NCS1: variants seen among roughly 807,000 people sequenced by gnomAD.
NCS1 encodes frequenin homolog.
Under a neutral mutation model 28.4 loss-of-function variants are expected in NCS1, and 6 were observed. That is an observed-to-expected ratio of 0.21 (90% confidence interval 0.12 to 0.42). The LOEUF (loss-of-function observed/expected upper bound fraction) is 0.42. Among genes scored for constraint, NCS1 ranks in the 10% least tolerant of loss-of-function variants. The pLI, the probability that NCS1 is intolerant of heterozygous loss-of-function variation, is 1.00. For synonymous variants in NCS1, 86 were observed against 99.3 expected (o/e 0.87, Z 0.79); for missense variants, 131 against 241.4 (o/e 0.54, Z 3.03).
chr9:130,184,291 C>T (rs534899201), intron 1 of NCS1, among the ~76,000 whole-genome samples: 16 of 152,112 alleles, frequency 1.1e-4, no homozygotes, highest in Non-Finnish European at 1.9e-4. Flanking sequence ...GTCTGGTGTC[C>T]GGGGCTCCTC....
intron 1 of NCS1, among the ~76,000 whole-genome samples, chr9:130,183,222 A>G (rs1832686730): frequency 6.6e-6 from 1 of 152,140 alleles, no homozygotes; most frequent in Non-Finnish European, 1.5e-5. Flanking sequence ...TGCCCCTCTC[A>G]GGGCCGCAGT....
intron 1 of NCS1, among the ~76,000 whole-genome samples, chr9:130,179,962 T>C (rs1396546410): frequency 1.3e-5 from 2 of 152,120 alleles, no homozygotes; most frequent in African/African-American, 4.8e-5. Flanking sequence ...GAGTTGGCTG[T>C]TGGGGTTCAG....
Position 130,177,591 on chromosome 9 carries a change from C to T in NCS1, c.64+4864C>T, listed in dbSNP as rs782143256. Among the ~76,000 whole-genome samples, 4 of 152,198 alleles carry T rather than the reference C, an allele frequency of 2.6e-5. No homozygotes were observed. Among genetic ancestry groups the T allele is most frequent in the Non-Finnish European group, 5.9e-5 (4 of 68,026 alleles). On this transcript the variant is annotated intron_variant, in intron 1 of 7. Transcript: ENST00000372398. The surrounding 1 kb of genome is among the most constrained non-coding windows in gnomAD (Gnocchi z 4.4). The stretch of plus-strand genomic sequence containing the variant: ...AGCAGGAGAGACTGAGGTGGACTCT[C>T]GGCATCGGGATGGGCATCTGGGCAA...
intron 2 of NCS1, among the ~76,000 whole-genome samples, chr9:130,212,229 G>A (rs1414967272): frequency 1.3e-5 from 2 of 151,200 alleles, no homozygotes; most frequent in Non-Finnish European, 2.9e-5. Flanking sequence ...TAGAATCACA[G>A]ATGCTTATGG....
intron 6 of NCS1, among the ~76,000 whole-genome samples, chr9:130,224,292 T>TAAAA (rs782488225): frequency 1.6e-5 from 1 of 61,720 alleles, no homozygotes. Flanking sequence ...CTTTCTCTAC[T>TAAAA]AAAAAAAAAA....
chr9:130,216,740 C>T (rs570523112), intron 2 of NCS1, among the ~76,000 whole-genome samples: 13 of 151,572 alleles, frequency 8.6e-5, no homozygotes, highest in African/African-American at 2.9e-4. Context: ...AAGGCTTCCT[C>T]GTAGTACCTT....
chr9:130,183,072 G>A (rs1387835317), intron 1 of NCS1, among the ~76,000 whole-genome samples: 1 of 152,208 alleles, frequency 6.6e-6, no homozygotes, highest in Non-Finnish European at 1.5e-5. Context: ...GTTTTTCCCT[G>A]CAGTGCTGTG....
At chr9:130,203,990 T>A (rs10819613) in intron 2 of NCS1, among the ~76,000 whole-genome samples, 21 of 152,090 alleles carry the variant, frequency 1.4e-4, no homozygotes, top group African/African-American at 5.1e-4. Flanking sequence ...ATTTAAAAAA[T>A]TTTTTTTCTT....
chr9:130,204,472 A>G (rs1554907836), intron 2 of NCS1, among the ~76,000 whole-genome samples: 4 of 151,824 alleles, frequency 2.6e-5, no homozygotes, highest in East Asian at 1.9e-4. Context: ...AAAAAATTTT[A>G]CTGTAGAGCT....
intron 4 of NCS1, among the ~76,000 whole-genome samples, chr9:130,221,407 T>TAAAATATC (rs1224970441): frequency 1.4e-4 from 6 of 42,724 alleles, no homozygotes; most frequent in African/African-American, 6.0e-4. Flanking sequence ...TATATATATA[T>TAAAATATC]ATATATAGAG....
intron 2 of NCS1, among the ~76,000 whole-genome samples, chr9:130,212,497 C>A (rs1554908900): frequency 6.7e-6 from 1 of 148,880 alleles, no homozygotes; most frequent in African/African-American, 2.5e-5. Context: ...AAACCCTGAT[C>A]TAGTATGAGC....
rs782207495 is a variant in NCS1, at chr9:130,223,172, G to T, written c.474+13G>T. 34 of 1,589,088 alleles carry T rather than the reference G, an allele frequency of 2.1e-5. No homozygotes were observed. The highest frequency in any genetic ancestry group is 2.9e-5 in the Non-Finnish European group (34 of 1,157,544). Reference sequence around the variant, plus strand: ...CATGATGGATAAGGTGAGGTGGGGGGGCGGGGCTGGTCCTGGACCAGGGAG... The same window carrying T: ...CATGATGGATAAGGTGAGGTGGGGGTGCGGGGCTGGTCCTGGACCAGGGAG... On this transcript the variant is annotated intron_variant, in intron 6 of 7. Coordinates refer to ENST00000372398, the MANE Select transcript of NCS1 (RefSeq NM_014286.4).
At position 130,215,505 on chromosome 9, in the gene NCS1, C is replaced by G. The variant is rs75729561; in HGVS notation, c.90-2327C>G. Reference sequence around the variant, plus strand: ...GGTGGGCCTGCGGACATCACATGCACGGGAGGGACGGATGCTGGGGTCGCA... The same window carrying G: ...GGTGGGCCTGCGGACATCACATGCAGGGGAGGGACGGATGCTGGGGTCGCA... On this transcript the variant is annotated intron_variant, in intron 2 of 7. Coordinates refer to ENST00000372398, the MANE Select transcript of NCS1 (RefSeq NM_014286.4). This position sits in a 1 kb window ranked among gnomAD's most constrained non-coding sequence, Gnocchi z 4.2. Among the ~76,000 whole-genome samples the G allele has an allele frequency of 1.1e-4, 16 of 152,248 alleles. 1 individual carries two copies. In the East Asian group the frequency reaches 2.9e-3, roughly 28 times the overall value.
intron 6 of NCS1, among the ~76,000 whole-genome samples, chr9:130,224,319 G>A (rs1483648701): frequency 6.7e-6 from 1 of 149,310 alleles, no homozygotes; most frequent in Non-Finnish European, 1.5e-5. Flanking sequence ...AAAAATCCGG[G>A]AGGCAGCAGT....
chr9:130,189,725 C>G (rs1050058688), intron 1 of NCS1, among the ~76,000 whole-genome samples: 1 of 151,134 alleles, frequency 6.6e-6, no homozygotes. Context: ...GCCTATAATC[C>G]CAGCTACTCA....
intron 3 of NCS1, among the ~76,000 whole-genome samples, chr9:130,218,328 A>G (rs964099728): frequency 6.6e-6 from 1 of 152,266 alleles, no homozygotes; most frequent in Non-Finnish European, 1.5e-5. Flanking sequence ...ACACACGTGA[A>G]CATACATGTA....
At chr9:130,213,724 T>TAG (rs1215943058) in intron 2 of NCS1, among the ~76,000 whole-genome samples, 5 of 152,140 alleles carry the variant, frequency 3.3e-5, no homozygotes, top group Non-Finnish European at 7.3e-5. Context: ...TAGCTGGGAT[T>TAG]AGAGACATGA....
intron 4 of NCS1, among the ~76,000 whole-genome samples, chr9:130,221,441 G>GAGAGAGAGAA (rs1833299862): frequency 2.2e-5 from 3 of 135,400 alleles, no homozygotes; most frequent in Admixed American, 7.9e-5. Context: ...GAGAGAGAGA[G>GAGAGAGAGAA]AGAGAGAGAG....
At chr9:130,206,327 G>A (rs1207719877) in intron 2 of NCS1, among the ~76,000 whole-genome samples, 1 of 151,858 alleles carries the variant, frequency 6.6e-6, no homozygotes, top group Non-Finnish European at 1.5e-5. Flanking sequence ...AAACACCCTG[G>A]CCCATTTTCA....
Sources: allele counts gnomAD v4.1 joint callset (sites outside exome capture counted in the v4.1 genomes callset), GRCh38; gene constraint gnomAD v4.1.1; non-coding constraint Gnocchi (gnomAD v3.1); transcripts MANE v1.5; gene names NCBI Gene and HGNC (gene_info 2026-07-23, HGNC 2026-07-21).